The following RYR2 variants were observed in gnomAD, a reference collection of about 807,000 sequenced individuals.
The protein encoded by RYR2 is cardiac muscle ryanodine receptor-calcium release channel.
RYR2 carries 227 observed loss-of-function variants against 601.1 expected under a neutral mutation model. The ratio of observed to expected loss-of-function variants is 0.38; its 90% confidence interval spans 0.34 to 0.42. RYR2 has a LOEUF of 0.42. RYR2 is among the 10% of genes least tolerant of loss of function. RYR2 has a pLI of 1.00. For missense variants in RYR2, 4,646 were observed against 6,156.5 expected (o/e 0.75, Z 8.21); for synonymous variants, 2,223 against 2,175.1 (o/e 1.02, Z -0.61).
rs183811437 is a variant in RYR2 at position 237,189,753 on chromosome 1, C to T, written c.49-80744C>T. Among the ~76,000 whole-genome samples, 6 of 152,236 alleles carry T rather than the reference C, an allele frequency of 3.9e-5. No homozygotes were observed. The East Asian group carries it at 5.8e-4, about 15-fold the overall frequency. ...AAATAAATGTGTGTTGTGTGTAAGC[C>T]GCCCAGTCTATAACACCTTTTTATA... On this transcript the variant is annotated intron_variant, in intron 1 of 104. Coordinates refer to ENST00000366574, the MANE Select transcript of RYR2 (RefSeq NM_001035.3).
intron 63 of RYR2, among the ~76,000 whole-genome samples, chr1:237,696,365 A>G (rs1013643174): frequency 6.6e-6 from 1 of 151,902 alleles, no homozygotes; most frequent in African/African-American, 2.4e-5. Flanking sequence ...CATTGTCTAT[A>G]CTGCATCTTT....
At chr1:237,810,416 A>C (rs1394503908) in intron 100 of RYR2, among the ~76,000 whole-genome samples, 1 of 152,164 alleles carries the variant, frequency 6.6e-6, no homozygotes, top group East Asian at 1.9e-4. Context: ...TAAAACAATG[A>C]AAAAAACACT....
chr1:237,305,052 C>T (rs1047423309), intron 2 of RYR2, among the ~76,000 whole-genome samples: 1 of 152,190 alleles, frequency 6.6e-6, no homozygotes, highest in Admixed American at 6.5e-5. Context: ...AACTTTCACT[C>T]ACTCCTGACG....
intron 17 of RYR2, among the ~76,000 whole-genome samples, chr1:237,481,826 A>AT (rs1421078708): frequency 6.7e-6 from 1 of 149,838 alleles, no homozygotes; most frequent in East Asian, 1.9e-4. Flanking sequence ...AAAAAAAAAA[A>AT]AAAAAAAAAC....
intron 17 of RYR2, among the ~76,000 whole-genome samples, chr1:237,471,552 GAGAT>G (rs1397452938): frequency 6.6e-6 from 1 of 152,202 alleles, no homozygotes; most frequent in Non-Finnish European, 1.5e-5. Flanking sequence ...TATCTGTAAA[GAGAT>G]AGGTGCAGGG....
At chr1:237,244,638 C>T (rs780637940) in intron 1 of RYR2, among the ~76,000 whole-genome samples, 17 of 152,274 alleles carry the variant, frequency 1.1e-4, no homozygotes, top group Admixed American at 2.6e-4. Flanking sequence ...CCATCCCAGC[C>T]GGCCTTTTCC....
At chr1:237,601,563 C>T (rs1676507536) in intron 34 of RYR2, among the ~76,000 whole-genome samples, 1 of 151,946 alleles carries the variant, frequency 6.6e-6, no homozygotes, top group Non-Finnish European at 1.5e-5. Flanking sequence ...TTGTATATCT[C>T]AAAATAGCTA....
At chr1:237,587,796 G>C (rs6429026) in intron 29 of RYR2, among the ~76,000 whole-genome samples, 78,547 of 151,962 alleles carry the variant, frequency 0.52, 20,620 homozygotes, top group South Asian at 0.66. Context: ...GAAACAAATA[G>C]CCAAAGGTCA....
chr1:237,522,357 G>A (rs1667175208), intron 24 of RYR2, among the ~76,000 whole-genome samples: 1 of 152,218 alleles, frequency 6.6e-6, no homozygotes, highest in African/African-American at 2.4e-5. Context: ...ATGAATTTGT[G>A]TTGGGCCACA....
intron 68 of RYR2, among the ~76,000 whole-genome samples, chr1:237,708,168 A>C (rs891345716): frequency 1.3e-5 from 2 of 152,056 alleles, no homozygotes; most frequent in Non-Finnish European, 2.9e-5. Context: ...TTTTAAAACA[A>C]TGAATTCAGA....
intron 1 of RYR2, among the ~76,000 whole-genome samples, chr1:237,239,416 G>A (rs889255448): frequency 2.6e-5 from 4 of 152,048 alleles, no homozygotes; most frequent in South Asian, 2.1e-4. Context: ...TTGAGGAGGC[G>A]GTGTCTGATT....
At position 237,165,127 on chromosome 1, in the gene RYR2, A is replaced by AT. The variant is rs781363135; in HGVS notation, c.49-105359dup. ...CGCATGCACCATACCTGGCTAATTA[A>AT]TTTTTTTTTTTGTAGAGATGGGGTC... On this transcript the variant is annotated intron_variant, in intron 1 of 104. Transcript: ENST00000366574. Among the ~76,000 whole-genome samples, 278 of 146,944 alleles carry AT rather than the reference A, an allele frequency of 1.9e-3. 2 individuals are homozygous for AT. Among genetic ancestry groups the AT allele is most frequent in the Admixed American group, 6.5e-3 (95 of 14,654 alleles).
chr1:237,583,079 C>T (rs568767900), intron 29 of RYR2, among the ~76,000 whole-genome samples: 15 of 152,226 alleles, frequency 9.9e-5, no homozygotes, highest in South Asian at 4.2e-4. Context: ...TCCACAGCCT[C>T]GTCAGCATCT....
At chr1:237,362,498 T>C (rs1482473992) in intron 4 of RYR2, among the ~76,000 whole-genome samples, 1 of 152,218 alleles carries the variant, frequency 6.6e-6, no homozygotes, top group Non-Finnish European at 1.5e-5. Context: ...TTCCATCATA[T>C]CAATTTTTAA....
intron 4 of RYR2, among the ~76,000 whole-genome samples, chr1:237,358,821 T>C (rs10925383): frequency 0.23 from 34,312 of 151,988 alleles, 3,973 homozygotes; most frequent in East Asian, 0.37. Flanking sequence ...TCCCTGAAGC[T>C]ACCCTTGCTA....
chr1:237,215,035 G>C (rs1683011141), intron 1 of RYR2, among the ~76,000 whole-genome samples: 1 of 152,166 alleles, frequency 6.6e-6, no homozygotes, highest in Non-Finnish European at 1.5e-5. Context: ...CGGAGAAGGT[G>C]AGGATCTTTA....
In RYR2 at chr1:237,589,882, T is replaced by C; in HGVS notation, c.3688T>C (p.Cys1230Arg). 1 of 1,613,934 alleles carries C rather than the reference T, an allele frequency of 6.2e-7. No individual in the cohort carries two copies. Among genetic ancestry groups the C allele is most frequent in the Non-Finnish European group, 8.5e-7 (1 of 1,179,872 alleles). Reference sequence around the variant, plus strand: ...CAGCACCTTGAAATATTTCACCATCTGTGGCTTACAAGAGGGCTATGAACC... The same window carrying C: ...CAGCACCTTGAAATATTTCACCATCCGTGGCTTACAAGAGGGCTATGAACC... The part of the protein sequence containing the change: ...DVSTLKYFTI[C>R]GLQEGYEPFA... The change falls in exon 30 of 105, where the codon TGT becomes CGT. Residue 1230 changes from cysteine to arginine, a missense_variant. Physicochemically the swap from Cys to Arg is radical, Grantham distance 180 (BLOSUM62 -3). Coordinates refer to ENST00000366574, the MANE Select transcript of RYR2 (RefSeq NM_001035.3).
chr1:237,797,996 A>AATCATCTAT (rs1330645251), intron 96 of RYR2, 41 bp from the exon 97 acceptor site: 4 of 1,550,548 alleles, frequency 2.6e-6, no homozygotes, highest in Non-Finnish European at 3.5e-6. Context: ...GATGTTACTT[A>AATCATCTAT]ATGGTTGAAG....
intron 81 of RYR2, among the ~76,000 whole-genome samples, chr1:237,756,907 C>A (rs1179100442): frequency 6.6e-6 from 1 of 152,192 alleles, no homozygotes; most frequent in African/African-American, 2.4e-5. Flanking sequence ...CCATAGTTTG[C>A]TGACTCTTGA....
Sources: gnomAD v4.1 joint callset for allele counts (sites outside exome capture counted in the v4.1 genomes callset) on GRCh38, gnomAD v4.1.1 for gene constraint, MANE v1.5 for transcripts, NCBI Gene and HGNC (gene_info 2026-07-23, HGNC 2026-07-21) for gene names.